Variants in PATJ observed in about 807,000 individuals in gnomAD.
The protein encoded by PATJ is PATJ crumbs cell polarity complex component.
In PATJ, 190 loss-of-function variants were observed where a neutral mutation model predicts 224.9. The ratio of observed to expected loss-of-function variants is 0.84; its 90% CI spans 0.75 to 0.95. The LOEUF is 0.95. Ranked by LOEUF, PATJ falls within the 40% of genes least tolerant of loss-of-function variation. The pLI is 0.00. For missense variants in PATJ, 2,121 were observed against 2,270.3 expected, an observed-to-expected ratio of 0.93 and a Z score of 1.34; for synonymous variants, 769 against 820.3, an observed-to-expected ratio of 0.94 and a Z score of 1.07.
chr1:62,131,826 A>G (rs76221407), intron 41 of PATJ, among the ~76,000 whole-genome samples: 5,031 of 152,104 alleles, frequency 0.033, 139 homozygotes, highest in South Asian at 0.15. Flanking sequence ...ATAATGTCAT[A>G]ATAATAAAAA....
chr1:62,043,757 C>A (rs1319796036), intron 30 of PATJ, among the ~76,000 whole-genome samples: 1 of 151,670 alleles, frequency 6.6e-6, no homozygotes, highest in African/African-American at 2.4e-5. Flanking sequence ...GAAACAGGAT[C>A]TCGCTCTGTT....
chr1:61,824,389 A>AAT (rs1657851912), intron 15 of PATJ, among the ~76,000 whole-genome samples: 1 of 150,338 alleles, frequency 6.7e-6, no homozygotes, highest in Non-Finnish European at 1.5e-5. Context: ...TTGGTGGCAA[A>AAT]ATATATATAA....
intron 18 of PATJ, among the ~76,000 whole-genome samples, chr1:61,857,503 T>A (rs756939752): frequency 6.6e-6 from 1 of 152,234 alleles, no homozygotes; most frequent in Non-Finnish European, 1.5e-5. Flanking sequence ...TGTCTTACTA[T>A]GTTGTCACTT....
chr1:62,121,842 C>G (rs1665097351), intron 38 of PATJ, among the ~76,000 whole-genome samples: 1 of 151,586 alleles, frequency 6.6e-6, no homozygotes, highest in Non-Finnish European at 1.5e-5. Flanking sequence ...AAGCAGAAAG[C>G]TGGAGTGCAT....
chr1:62,034,322 A>G (rs1331538277), intron 29 of PATJ, among the ~76,000 whole-genome samples: 1 of 151,866 alleles, frequency 6.6e-6, no homozygotes, highest in African/African-American at 2.4e-5. Flanking sequence ...ACACGCCTGT[A>G]GTCCCAGCTA....
intron 15 of PATJ, 50 bp from the exon 16 acceptor site, chr1:61,827,372 T>A: frequency 1.4e-6 from 2 of 1,466,670 alleles, no homozygotes; most frequent in Non-Finnish European, 1.8e-6. Flanking sequence ...AGATTTTTGT[T>A]TTTTCATTTG....
intron 33 of PATJ, among the ~76,000 whole-genome samples, chr1:62,088,857 G>T (rs10682274): frequency 4.1e-5 from 6 of 145,176 alleles, no homozygotes; most frequent in Non-Finnish European, 9.0e-5. Flanking sequence ...TATATATATA[G>T]AATATATAGA....
chr1:61,873,514 A>T (rs1476114261), intron 20 of PATJ, among the ~76,000 whole-genome samples: 2 of 152,178 alleles, frequency 1.3e-5, no homozygotes, highest in Non-Finnish European at 2.9e-5. Flanking sequence ...TGAAAATATG[A>T]TGTTTTCTAT....
intron 33 of PATJ, among the ~76,000 whole-genome samples, chr1:62,098,697 A>G (rs1313754608): frequency 6.6e-6 from 1 of 152,184 alleles, no homozygotes; most frequent in Non-Finnish European, 1.5e-5. Context: ...AGCTGTCAGA[A>G]AATTTAATTC....
intron 21 of PATJ, among the ~76,000 whole-genome samples, chr1:61,878,754 G>A (rs945457104): frequency 2.0e-5 from 3 of 151,010 alleles, no homozygotes; most frequent in Non-Finnish European, 2.9e-5. Context: ...TTTCTACTAA[G>A]GCAAGTACCC....
At position 61,832,281 on chromosome 1, in the gene PATJ, T is replaced by G. The variant is rs1042216385; in HGVS notation, c.1981-1373T>G. On this transcript the variant is annotated intron_variant, in intron 16 of 43. Coordinates refer to ENST00000642238, the MANE Select transcript of PATJ (RefSeq NM_001350145.3). ...ACATTAGACTCCTGTGACACACAAT[T>G]TACCCATATAACAAACCTGCACACA... Among the ~76,000 whole-genome samples the G allele has an allele frequency of 3.9e-5, 6 of 152,086 alleles. No homozygotes were observed. The South Asian group carries it at 6.2e-4, about 16-fold the overall frequency.
chr1:61,978,454 G>A (rs1052227588), intron 27 of PATJ, among the ~76,000 whole-genome samples: 4 of 151,880 alleles, frequency 2.6e-5, no homozygotes, highest in Non-Finnish European at 5.9e-5. Flanking sequence ...TAGTAGAGAG[G>A]GGGTTGCTCC....
intron 20 of PATJ, among the ~76,000 whole-genome samples, chr1:61,869,131 G>C (rs1424923362): frequency 1.4e-5 from 2 of 143,864 alleles, no homozygotes; most frequent in East Asian, 2.1e-4. Flanking sequence ...TTTTGAGACG[G>C]AGTCTCGCTC....
chr1:62,084,612 T>G lies in PATJ; in HGVS notation c.4341T>G (p.Leu1447=). 1 of 1,613,378 alleles carries G rather than the reference T, an allele frequency of 6.2e-7. No homozygotes were observed. Among genetic ancestry groups the G allele is most frequent in the Non-Finnish European group, 8.5e-7 (1 of 1,179,742 alleles). Residue 1447 remains leucine (L), a synonymous_variant, in exon 33 of 44, where the codon CTT becomes CTG. Coordinates refer to ENST00000642238, the MANE Select transcript of PATJ (RefSeq NM_001350145.3). ...AAATATCCAAGGGACGTTCAGGGCT[T>G]GGTCTCAGCATTGTGGGAGGAAAAG... ...IIEISKGRSG[L]GLSIVGGKDT... is the part of the protein sequence containing the mutation.
At chr1:62,033,065 C>T (rs1275937595) in intron 29 of PATJ, among the ~76,000 whole-genome samples, 1 of 152,058 alleles carries the variant, frequency 6.6e-6, no homozygotes, top group East Asian at 1.9e-4. Context: ...ATGGGGACTA[C>T]GATTCAAGAT....
chr1:61,746,802 GACT>G (rs1231055803), intron 1 of PATJ, among the ~76,000 whole-genome samples: 1 of 152,154 alleles, frequency 6.6e-6, no homozygotes, highest in Non-Finnish European at 1.5e-5. Flanking sequence ...AAAGTACACA[GACT>G]ACTATTGAGA....
chr1:61,818,453 G>A (rs1233441650), intron 14 of PATJ, among the ~76,000 whole-genome samples: 1 of 152,196 alleles, frequency 6.6e-6, no homozygotes, highest in African/African-American at 2.4e-5. Flanking sequence ...ATACTGAAAG[G>A]GGTGGACAAC....
intron 24 of PATJ, among the ~76,000 whole-genome samples, chr1:61,902,749 G>A (rs1557850494): frequency 6.6e-6 from 1 of 152,150 alleles, no homozygotes; most frequent in Admixed American, 6.5e-5. Context: ...AGTATATGTA[G>A]AATGTCAGAT....
chr1:62,121,180 G>A lies in PATJ; in HGVS notation c.4891-1G>A. 1 of 1,608,142 alleles carries A rather than the reference G, an allele frequency of 6.2e-7. No individual in the cohort carries two copies. Among genetic ancestry groups the A allele is most frequent in the Non-Finnish European group, 8.5e-7 (1 of 1,176,038 alleles). ...AGGTGACCCCTGGGTCTTTCTTTCA[G>A]GGTAGTCAGCAGAGTGCACACAGCA... On this transcript the variant is annotated splice_acceptor_variant, in intron 37 of 43. Coordinates refer to ENST00000642238, the MANE Select transcript of PATJ (RefSeq NM_001350145.3). LOFTEE classifies it high-confidence loss of function.
Sources: allele counts gnomAD v4.1 joint callset (sites outside exome capture counted in the v4.1 genomes callset), GRCh38; gene constraint gnomAD v4.1.1; transcripts MANE v1.5; gene names NCBI Gene and HGNC (gene_info 2026-07-23, HGNC 2026-07-21).